The following FMN1 variants were observed in gnomAD, a reference collection of about 807,000 sequenced individuals.
FMN1 encodes the protein formin-1.
FMN1 carries 110 observed loss-of-function variants against 132.4 expected under a neutral mutation model. The observed-to-expected ratio is 0.83, with a 90% CI of 0.71 to 0.97. The LOEUF (loss-of-function observed/expected upper bound fraction) is 0.97, where lower values mean the gene tolerates loss of function less well. FMN1 is among the 50% of genes least tolerant of loss of function. The pLI is 0.00. For synonymous variants in FMN1, 722 were observed against 651.7 expected (o/e 1.11, Z -1.64); for missense variants, 1,792 against 1,705.3 (o/e 1.05, Z -0.90).
chr15:33,117,840 T>C (rs2140157232), intron 4 of FMN1, among the ~76,000 whole-genome samples: 1 of 152,262 alleles, frequency 6.6e-6, no homozygotes, highest in African/African-American at 2.4e-5. Flanking sequence ...ATGTAGCAAA[T>C]TAGTGTTTGA....
At chr15:33,077,498 A>G (rs1223486421) in intron 5 of FMN1, among the ~76,000 whole-genome samples, 1 of 151,574 alleles carries the variant, frequency 6.6e-6, no homozygotes, top group Non-Finnish European at 1.5e-5. Context: ...ATATCTCATA[A>G]TGCTATCCCT....
chr15:33,187,422 G>T (rs1024774096), intron 2 of FMN1, among the ~76,000 whole-genome samples: 3 of 152,230 alleles, frequency 2.0e-5, no homozygotes, highest in Admixed American at 2.0e-4. Flanking sequence ...CCCCAGGGCT[G>T]TTGGGAAAGG....
chr15:32,938,512 G>A (rs1163187570), intron 9 of FMN1, among the ~76,000 whole-genome samples: 1 of 152,170 alleles, frequency 6.6e-6, no homozygotes, highest in Non-Finnish European at 1.5e-5. Context: ...CTGGGTGACA[G>A]AGCAAAGACT....
At chr15:33,132,091 G>A (rs1262980109) in intron 4 of FMN1, among the ~76,000 whole-genome samples, 1 of 152,012 alleles carries the variant, frequency 6.6e-6, no homozygotes, top group African/African-American at 2.4e-5. Context: ...TTCCACAGCT[G>A]GCTTGGAAGA....
At chr15:33,004,432 TG>T (rs1208233840) in intron 7 of FMN1, among the ~76,000 whole-genome samples, 2 of 152,046 alleles carry the variant, frequency 1.3e-5, no homozygotes, top group African/African-American at 2.4e-5. Context: ...AACAGACACA[TG>T]AAAAAATGCT....
chr15:32,900,696 TTGTC>T (rs1268941305), intron 13 of FMN1, among the ~76,000 whole-genome samples: 3 of 152,246 alleles, frequency 2.0e-5, no homozygotes, highest in Non-Finnish European at 4.4e-5. Context: ...GCTTGTTGTA[TTGTC>T]TATTAACTTT....
chr15:33,057,479 T>C (rs946796545), intron 6 of FMN1, among the ~76,000 whole-genome samples: 2 of 152,198 alleles, frequency 1.3e-5, no homozygotes, highest in Non-Finnish European at 2.9e-5. Context: ...TCTACAATAA[T>C]TGTTTAAAAT....
intron 19 of FMN1, among the ~76,000 whole-genome samples, chr15:32,796,600 T>C (rs1465227921): frequency 2.6e-5 from 4 of 152,244 alleles, no homozygotes; most frequent in African/African-American, 4.8e-5. Context: ...AAAGCAATTA[T>C]AGTGTTCCTC....
At chr15:32,777,814 T>G (rs574817159) in intron 19 of FMN1, among the ~76,000 whole-genome samples, 9 of 99,280 alleles carry the variant, frequency 9.1e-5, no homozygotes, top group African/African-American at 3.5e-4. Flanking sequence ...TATAATACAT[T>G]TATTTATATA....
rs931119076 is a variant in FMN1 at position 33,150,055 on chromosome 15, T to C, written c.1867+2993A>G. ...ACTATGCCTGGAGCATATGCTTCCA[T>C]CACCACATCAGTGACTTCAGTCAAA... On this transcript the variant is annotated intron_variant, in intron 4 of 20. Coordinates refer to ENST00000616417, the MANE Select transcript of FMN1 (RefSeq NM_001277313.2). 14 of 985,310 alleles carry C rather than the reference T, an allele frequency of 1.4e-5. No homozygotes were observed. The African/African-American group carries it at 2.3e-4, about 16-fold the overall frequency. The allele number at this position is 985,310 out of a possible 1,614,324, so 61.0% of individuals were successfully genotyped here. A position where few individuals can be genotyped will look rare whatever the true frequency, so the allele number is the denominator to read the frequency against.
chr15:32,853,159 C>T (rs1190124449), intron 17 of FMN1, among the ~76,000 whole-genome samples: 1 of 152,178 alleles, frequency 6.6e-6, no homozygotes, highest in African/African-American at 2.4e-5. Context: ...CAGATAGAAG[C>T]ACTCAGTAAA....
chr15:33,001,911 C>T (rs987554650), intron 7 of FMN1, among the ~76,000 whole-genome samples: 4 of 152,078 alleles, frequency 2.6e-5, no homozygotes, highest in Admixed American at 6.5e-5. Flanking sequence ...AGCTCCCCCA[C>T]TTACTGCCCA....
intron 4 of FMN1, among the ~76,000 whole-genome samples, chr15:33,128,845 A>G (rs1963399345): frequency 6.6e-6 from 1 of 152,242 alleles, no homozygotes; most frequent in Non-Finnish European, 1.5e-5. Flanking sequence ...TGCGGAAGAC[A>G]ACCGGAGCAG....
intron 16 of FMN1, among the ~76,000 whole-genome samples, chr15:32,884,111 C>T (rs1292049227): frequency 6.6e-6 from 1 of 152,166 alleles, no homozygotes; most frequent in East Asian, 1.9e-4. Flanking sequence ...GAGTCCACTC[C>T]TTGGTGTATT....
intron 6 of FMN1, among the ~76,000 whole-genome samples, chr15:33,049,830 T>C (rs2036884415): frequency 6.6e-6 from 1 of 152,206 alleles, no homozygotes; most frequent in Admixed American, 6.5e-5. Context: ...GTACGTCACT[T>C]TCCTTTTGCT....
At chr15:32,910,868 C>A (rs2060544730) in intron 10 of FMN1, among the ~76,000 whole-genome samples, 1 of 152,266 alleles carries the variant, frequency 6.6e-6, no homozygotes, top group African/African-American at 2.4e-5. Flanking sequence ...AATCTTTCTT[C>A]CCGATGGTAA....
chr15:32,912,893 C>T (rs190302043), intron 10 of FMN1, among the ~76,000 whole-genome samples: 8 of 152,284 alleles, frequency 5.3e-5, no homozygotes, highest in Admixed American at 5.2e-4. Flanking sequence ...ATATGCTTAG[C>T]ATAGCACGTA....
intron 6 of FMN1, among the ~76,000 whole-genome samples, chr15:33,037,799 T>C (rs1331738054): frequency 6.6e-6 from 1 of 152,254 alleles, no homozygotes; most frequent in Non-Finnish European, 1.5e-5. Flanking sequence ...CAAACTCTTT[T>C]GCTTAAACAC....
chr15:32,962,319 T>C (rs1596351820), intron 9 of FMN1, among the ~76,000 whole-genome samples: 2 of 152,152 alleles, frequency 1.3e-5, no homozygotes, highest in Admixed American at 6.5e-5. Flanking sequence ...ATCCCTTCCT[T>C]ACACTTTATA....
Sources: allele counts gnomAD v4.1 joint callset (sites outside exome capture counted in the v4.1 genomes callset), GRCh38; gene constraint gnomAD v4.1.1; transcripts MANE v1.5; gene names NCBI Gene and HGNC (gene_info 2026-07-23, HGNC 2026-07-21).